The following MYOF variants were observed in gnomAD, a reference collection of about 807,000 sequenced individuals.
MYOF encodes myoferlin.
MYOF carries 244 observed loss-of-function variants against 284.2 expected under a neutral mutation model. The ratio of observed to expected loss-of-function variants is 0.86; its 90% CI spans 0.77 to 0.95. The LOEUF is 0.95. Among genes scored for constraint, MYOF ranks in the 40% least tolerant of loss-of-function variants. MYOF has a pLI of 0.00. For synonymous variants in MYOF, 904 were observed against 919.7 expected (o/e 0.98, Z 0.31); for missense variants, 2,496 against 2,560.6 (o/e 0.97, Z 0.54).
At chr10:93,381,512 G>C in intron 19 of MYOF, 116 bp from the exon 20 acceptor site, 1 of 1,086,866 alleles carries the variant, frequency 9.2e-7, no homozygotes, top group Middle Eastern at 2.1e-4. Context: ...TAAATGACAG[G>C]GGAGAATGTT....
intron 53 of MYOF, among the ~76,000 whole-genome samples, chr10:93,308,989 G>A (rs868606882): frequency 4.6e-5 from 7 of 152,286 alleles, no homozygotes; most frequent in Middle Eastern, 3.4e-3. Context: ...CAGGATTACA[G>A]GCATGAGCCA....
Position 93,435,921 on chromosome 10 carries a change from T to A in MYOF, c.237-4405A>T, listed in dbSNP as rs1222428508. 4.0e-5 allele frequency among the ~76,000 whole-genome samples: 6 copies of A among 151,026 alleles called. No homozygotes were observed. The East Asian group carries it at 1.2e-3, about 29-fold the overall frequency. ...CTTGTCTCAAAAATAATAATAATAA[T>A]AATAAATTATTTTCTCTCTTTTTTT... On this transcript the variant is annotated intron_variant, in intron 3 of 53. Coordinates refer to ENST00000359263, the MANE Select transcript of MYOF (RefSeq NM_013451.4).
intron 9 of MYOF, 91 bp downstream of exon 9, chr10:93,403,932 T>A: frequency 7.3e-7 from 1 of 1,378,894 alleles, no homozygotes. Context: ...ATTCCCAAGA[T>A]GCCACCAAGA....
At chr10:93,456,824 T>C (rs961707424) in intron 2 of MYOF, 58 bp downstream of exon 2, 22 of 1,298,754 alleles carry the variant, frequency 1.7e-5, no homozygotes, top group Middle Eastern at 3.7e-4. Flanking sequence ...CACCCAAAGA[T>C]AGGACAATCA....
intron 30 of MYOF, 57 bp downstream of exon 30, chr10:93,356,618 C>T (rs1292965169): frequency 6.5e-7 from 1 of 1,545,722 alleles, no homozygotes; most frequent in Non-Finnish European, 8.8e-7. Flanking sequence ...CTGTATCCAA[C>T]ACTCATATAT....
chr10:93,418,867 A>T (rs1848243775), intron 5 of MYOF, among the ~76,000 whole-genome samples: 1 of 152,212 alleles, frequency 6.6e-6, no homozygotes, highest in South Asian at 2.1e-4. Context: ...CTAGAGAAAA[A>T]TTGGACTAAT....
At chr10:93,419,267 G>C (rs1218458351) in intron 5 of MYOF, among the ~76,000 whole-genome samples, 1 of 152,036 alleles carries the variant, frequency 6.6e-6, no homozygotes, top group Non-Finnish European at 1.5e-5. Context: ...GGTTCAAGCA[G>C]TTCTGCTGTC....
intron 43 of MYOF, among the ~76,000 whole-genome samples, chr10:93,331,336 C>A (rs897719294): frequency 6.6e-6 from 1 of 152,158 alleles, no homozygotes; most frequent in African/African-American, 2.4e-5. Flanking sequence ...CTCCTTGGCT[C>A]CACCCTGCTG....
At chr10:93,438,504 A>G (rs2056141722) in intron 3 of MYOF, among the ~76,000 whole-genome samples, 2 of 152,228 alleles carry the variant, frequency 1.3e-5, no homozygotes, top group African/African-American at 4.8e-5. Context: ...ATCGTCTCCC[A>G]AAACATTTCT....
chr10:93,363,861 G>T (rs10882221), intron 27 of MYOF, 100 bp downstream of exon 27: 1 of 868,020 alleles, frequency 1.2e-6, no homozygotes, highest in Non-Finnish European at 1.8e-6. Context: ...AAGATGGAGC[G>T]GAGGAGAGGT....
At chr10:93,443,438 CTCTCCTCTTTCT>C in intron 3 of MYOF, among the ~76,000 whole-genome samples, 1 of 149,592 alleles carries the variant, frequency 6.7e-6, no homozygotes, top group East Asian at 2.0e-4. Flanking sequence ...CCTCTCTCTT[CTCTCCTCTTTCT>C]TCTCTCTCTC....
At chr10:93,433,341 T>C (rs575427281) in intron 3 of MYOF, among the ~76,000 whole-genome samples, 1 of 152,284 alleles carries the variant, frequency 6.6e-6, no homozygotes, top group East Asian at 1.9e-4. Context: ...ATTTTTTCAG[T>C]AGAGATGGGA....
intron 37 of MYOF, among the ~76,000 whole-genome samples, chr10:93,345,126 G>A (rs1844126567): frequency 6.6e-6 from 1 of 152,180 alleles, no homozygotes; most frequent in South Asian, 2.1e-4. Context: ...AGAACTTTCT[G>A]CTTAACCACC....
intron 11 of MYOF, 103 bp downstream of exon 11, chr10:93,402,129 C>T (rs766627884): frequency 4.8e-5 from 40 of 837,510 alleles, no homozygotes; most frequent in East Asian, 4.1e-4. Flanking sequence ...AGGGTATTGA[C>T]GGGAAGCTGT....
intron 39 of MYOF, chr10:93,338,247 A>G (rs1206353211): frequency 6.5e-6 from 3 of 459,054 alleles, no homozygotes; most frequent in African/African-American, 4.0e-5. Flanking sequence ...TTACATATAC[A>G]TATAAATTTA....
chr10:93,359,016 T>C (rs1472166421), intron 29 of MYOF, among the ~76,000 whole-genome samples: 1 of 152,186 alleles, frequency 6.6e-6, no homozygotes, highest in African/African-American at 2.4e-5. Flanking sequence ...AGCATATTTC[T>C]GAGTTAGCAA....
chr10:93,427,428 G>A (rs1848644804), intron 4 of MYOF, among the ~76,000 whole-genome samples: 1 of 151,484 alleles, frequency 6.6e-6, no homozygotes, highest in African/African-American at 2.4e-5. Flanking sequence ...CTGCTCAGGG[G>A]GCTGAGGCCG....
intron 14 of MYOF, 41 bp downstream of exon 14, chr10:93,397,347 G>T (rs200356986): frequency 1.9e-6 from 3 of 1,592,752 alleles, no homozygotes; most frequent in Non-Finnish European, 2.6e-6. Flanking sequence ...TAATTATTAA[G>T]TAAGTATTCT....
intron 19 of MYOF, among the ~76,000 whole-genome samples, chr10:93,386,445 T>TA (rs1363277610): frequency 6.6e-6 from 1 of 152,334 alleles, no homozygotes; most frequent in African/African-American, 2.4e-5. Flanking sequence ...ATCTTTGCTG[T>TA]AGTAATTCAT....
Sources: allele counts gnomAD v4.1 joint callset (sites outside exome capture counted in the v4.1 genomes callset), GRCh38; gene constraint gnomAD v4.1.1; transcripts MANE v1.5; gene names NCBI Gene and HGNC (gene_info 2026-07-23, HGNC 2026-07-21).